Variants in BBOF1 observed in about 807,000 individuals in gnomAD.
The protein encoded by BBOF1 is basal body-orientation factor 1.
BBOF1 carries 62 observed loss-of-function variants against 68.0 expected under a neutral mutation model. The observed-to-expected ratio is 0.91, with a 90% confidence interval of 0.74 to 1.13. BBOF1 has a LOEUF of 1.13. Ranked by LOEUF, BBOF1 falls within the 50% of genes most tolerant of loss-of-function variation. BBOF1 has a pLI of 0.00. For synonymous variants in BBOF1, 208 were observed against 198.8 expected (o/e 1.05, Z -0.39); for missense variants, 534 against 600.1 (o/e 0.89, Z 1.15).
chr14:74,047,014 C>T (rs2059966358), intron 6 of BBOF1: 1 of 152,230 alleles, frequency 6.6e-6, no homozygotes, highest in East Asian at 1.9e-4. Context: ...AGATGTGAGT[C>T]ACTGTACCAA....
At chr14:74,068,739 CA>C (rs1338917208), downstream of BBOF1, 115 of 1,237,492 alleles carry the variant, frequency 9.3e-5, no homozygotes, top group Middle Eastern at 2.0e-4. Flanking sequence ...GACTCTGTCT[CA>C]AAAAAAAGAA....
Position 74,038,777 on chromosome 14 carries a change from GT to G in BBOF1, c.496-1787del, listed in dbSNP as rs34727800. Among the ~76,000 whole-genome samples, 642 of 152,188 alleles carry G rather than the reference GT, an allele frequency of 4.2e-3. 5 individuals are homozygous for G. The highest frequency in any genetic ancestry group is 6.8e-3 in the Non-Finnish European group (464 of 68,008). Reference sequence around the variant, plus strand: ...ACAGCACTTTGAGAGGCTAAGGTGGGTAGAATGCTTGAGCCCAGGAGTTCAA... The same window carrying G: ...ACAGCACTTTGAGAGGCTAAGGTGGGAGAATGCTTGAGCCCAGGAGTTCAA... On this transcript the variant is annotated intron_variant, in intron 4 of 11. Coordinates refer to ENST00000394009, the MANE Select transcript of BBOF1 (RefSeq NM_025057.3).
intron 11 of BBOF1, chr14:74,059,083 T>TTAAAAAA (rs2060282391): frequency 1.3e-5 from 1 of 79,740 alleles, no homozygotes; most frequent in African/African-American, 7.9e-5. Flanking sequence ...AAACTCCATC[T>TTAAAAAA]CAAAAAAAAA....
chr14:74,025,842 G>C (rs907235614), intron 2 of BBOF1, among the ~76,000 whole-genome samples: 3 of 151,964 alleles, frequency 2.0e-5, no homozygotes, highest in Non-Finnish European at 4.4e-5. Context: ...AAAACATGAG[G>C]CTGGGCTGTT....
chr14:74,061,464 G>C (rs1257807022), intron 11 of BBOF1, among the ~76,000 whole-genome samples: 1 of 151,978 alleles, frequency 6.6e-6, no homozygotes, highest in Non-Finnish European at 1.5e-5. Flanking sequence ...ACCATGCCCA[G>C]CTATTTTTGT....
rs150460748 is a variant in BBOF1 at position 74,079,967 on chromosome 14, G to A, written n.1537-1100G>A. ...GCAGGAGGATCACCTAAGCCTTGGA[G>A]ATTGAGGCTACAGTGAGCTGCGATT... On this transcript the variant is annotated intron_variant and non_coding_transcript_variant, in intron 10 of 12. Transcript: ENST00000492026. Among the ~76,000 whole-genome samples, 22 of 152,276 alleles carry A rather than the reference G, an allele frequency of 1.4e-4. No homozygotes were observed. In the East Asian group the frequency reaches 4.2e-3, roughly 29 times the overall value.
intron 7 of BBOF1, among the ~76,000 whole-genome samples, chr14:74,048,859 A>AT (rs773495713): frequency 2.8e-4 from 43 of 152,238 alleles, no homozygotes; most frequent in Non-Finnish European, 4.1e-4. Flanking sequence ...TATAGTTATT[A>AT]ATGTTTTACT....
At chr14:74,052,996 C>T (rs1309267972) in intron 8 of BBOF1, among the ~76,000 whole-genome samples, 1 of 150,998 alleles carries the variant, frequency 6.6e-6, no homozygotes, top group African/African-American at 2.4e-5. Context: ...GATGCCACTG[C>T]ACTCCAGCCT....
At chr14:74,042,873 C>CACAG (rs2059855693) in intron 5 of BBOF1, among the ~76,000 whole-genome samples, 1 of 105,176 alleles carries the variant, frequency 9.5e-6, no homozygotes, top group Non-Finnish European at 1.9e-5. Context: ...TACACACACA[C>CACAG]ACACAGACAC....
downstream of BBOF1, chr14:74,068,989 A>G: frequency 6.2e-7 from 1 of 1,613,610 alleles, no homozygotes. Context: ...CAGCTTTAAG[A>G]AGAAAATAAA....
chr14:74,054,640 G>A (rs1359479395), intron 8 of BBOF1, among the ~76,000 whole-genome samples: 1 of 139,206 alleles, frequency 7.2e-6, no homozygotes, highest in South Asian at 2.3e-4. Context: ...GCCTCCCAAA[G>A]TGCTGGGATT....
rs1536 is a variant in BBOF1, at chr14:74,057,826, A to G, written c.1578+568A>G. The stretch of plus-strand genomic sequence containing the variant: ...GATGAGTTTTTTTCATCTAAGAAAT[A>G]AGAAACTCTGAGCAGCAAATAGTTG... On this transcript the variant is annotated intron_variant, in intron 11 of 11. Transcript: ENST00000394009. The G allele has an allele frequency of 0.14, 143,316 of 1,032,704 alleles. 10,714 individuals are homozygous for G. The highest frequency in any genetic ancestry group is 0.2 in the Admixed American group (3,723 of 18,546). The allele number at this position is 1,032,704 out of a possible 1,614,324, so 64.0% of individuals were successfully genotyped here.
intron 3 of BBOF1, among the ~76,000 whole-genome samples, chr14:74,030,446 G>A (rs1246136249): frequency 6.6e-6 from 1 of 151,820 alleles, no homozygotes; most frequent in Admixed American, 6.6e-5. Flanking sequence ...ATAAAATTAA[G>A]TAAAATATTT....
chr14:74,044,818 G>A (rs1223936181), intron 5 of BBOF1, among the ~76,000 whole-genome samples: 4 of 152,058 alleles, frequency 2.6e-5, no homozygotes, highest in Non-Finnish European at 5.9e-5. Context: ...CCAGGTACTC[G>A]AGAGGCTGAG....
At chr14:74,049,326 A>T (rs1427519269) in intron 7 of BBOF1, among the ~76,000 whole-genome samples, 1 of 152,124 alleles carries the variant, frequency 6.6e-6, no homozygotes, top group Non-Finnish European at 1.5e-5. Context: ...ATAAAACTTA[A>T]ATCTCATGAA....
At chr14:74,082,804 CTCCAAA>C (rs2060683933) in exon 13 of BBOF1, 1 of 152,144 alleles carries the variant, frequency 6.6e-6, no homozygotes, top group African/African-American at 2.4e-5. Flanking sequence ...TCAGAAGTTT[CTCCAAA>C]TGAATCAGAA....
At chr14:74,033,547 G>T (rs529393506) in intron 3 of BBOF1, among the ~76,000 whole-genome samples, 1 of 151,810 alleles carries the variant, frequency 6.6e-6, no homozygotes, top group East Asian at 1.9e-4. Flanking sequence ...TCCAGCCTGA[G>T]CAACAGAGTG....
chr14:74,023,322 G>A (rs1157324737), intron 2 of BBOF1, among the ~76,000 whole-genome samples, 178 bp downstream of exon 2: 1 of 152,052 alleles, frequency 6.6e-6, no homozygotes, highest in Non-Finnish European at 1.5e-5. Flanking sequence ...ACTGTTATCG[G>A]CTCTCTTTTA....
At chr14:74,022,239 A>G (rs888161487) in intron 1 of BBOF1, among the ~76,000 whole-genome samples, 2 of 152,092 alleles carry the variant, frequency 1.3e-5, no homozygotes, top group Non-Finnish European at 2.9e-5. Flanking sequence ...GGAGAATCAA[A>G]TAAGTAAATG....
Sources: allele counts gnomAD v4.1 joint callset (sites outside exome capture counted in the v4.1 genomes callset), GRCh38; gene constraint gnomAD v4.1.1; transcripts MANE v1.5; gene names NCBI Gene and HGNC (gene_info 2026-07-23, HGNC 2026-07-21).